The following MYL4 variants were observed in gnomAD, a reference collection of about 807,000 sequenced individuals.
MYL4 encodes the protein myosin light chain 4, also known as atrial myosin light chain 1.
A neutral mutation model predicts 21.6 loss-of-function variants in MYL4; 16 were observed. The observed-to-expected ratio is 0.74, with a 90% CI of 0.50 to 1.12. The LOEUF (loss-of-function observed/expected upper bound fraction) is 1.12. Ranked by LOEUF, MYL4 falls within the 50% of genes most tolerant of loss-of-function variation. The probability of loss-of-function intolerance (pLI) is 0.00; values close to 1 mark genes in which losing one functional copy is unlikely to be tolerated. For synonymous variants in MYL4, 82 were observed against 95.7 expected, an observed-to-expected ratio of 0.86 and a Z score of 0.83; for missense variants, 249 against 252.9, an observed-to-expected ratio of 0.98 and a Z score of 0.11.
At chr17:47,194,412 GA>G in the MYL4 span, among the ~76,000 whole-genome samples, 2 of 152,186 alleles carry the variant, frequency 1.3e-5, no homozygotes. Flanking sequence ...GTTTCAGTAA[GA>G]AAAAGGAAGG....
intron 2 of MYL4, 63 bp downstream of exon 2, chr17:47,213,889 A>C: frequency 6.4e-7 from 1 of 1,550,710 alleles, no homozygotes; most frequent in Non-Finnish European, 8.9e-7. Context: ...GAGGAGGAGG[A>C]GGAAGAAGAG....
At chr17:47,191,855 C>A in the MYL4 span, among the ~76,000 whole-genome samples, 1 of 152,190 alleles carries the variant, frequency 6.6e-6, no homozygotes, top group East Asian at 1.9e-4. Flanking sequence ...CTTTTTCACA[C>A]AACATGCTGC....
chr17:47,215,437 G>A (rs769654803), intron 2 of MYL4, among the ~76,000 whole-genome samples: 1 of 152,108 alleles, frequency 6.6e-6, no homozygotes, highest in South Asian at 2.1e-4. Context: ...TGTTGAATCA[G>A]AATTGTTTTT....
the MYL4 span, chr17:47,189,552 C>G: frequency 9.1e-6 from 3 of 329,244 alleles, no homozygotes; most frequent in Non-Finnish European, 1.2e-5. Flanking sequence ...TACGCCAAAT[C>G]TGCAACCAGC....
intron 5 of MYL4, among the ~76,000 whole-genome samples, chr17:47,222,760 G>A: frequency 6.6e-6 from 1 of 152,220 alleles, no homozygotes; most frequent in East Asian, 1.9e-4. Context: ...CAAGGCTGTG[G>A]GGATTCATAG....
In MYL4 at chr17:47,213,839, A is replaced by C; in HGVS notation, c.163+13A>C. On this transcript the variant is annotated intron_variant, in intron 2 of 6. Transcript: ENST00000393450. ...GACCAGATTGAAGGTGAGTATGGAC[A>C]ACCCCACCTCTCCGTCTCTATTGCA... 1.2e-6 allele frequency: 2 copies of C among 1,613,820 alleles called. No individual in the cohort carries two copies. The highest frequency in any genetic ancestry group is 1.7e-6 in the Non-Finnish European group (2 of 1,179,704).
At chr17:47,193,377 C>T in the MYL4 span, among the ~76,000 whole-genome samples, 2 of 152,118 alleles carry the variant, frequency 1.3e-5, no homozygotes, top group Non-Finnish European at 2.9e-5. Context: ...AAGCGATTCT[C>T]CTGCCTCAGC....
upstream of MYL4, among the ~76,000 whole-genome samples, chr17:47,199,348 G>T (rs899895872): frequency 1.3e-5 from 2 of 148,930 alleles, no homozygotes; most frequent in African/African-American, 5.0e-5. Context: ...AACAAGGAAA[G>T]AATTTGGGAC....
chr17:47,214,477 C>A (rs931410207), intron 2 of MYL4, among the ~76,000 whole-genome samples: 15 of 152,088 alleles, frequency 9.9e-5, no homozygotes, highest in Admixed American at 9.2e-4. Context: ...CTCCACCAAA[C>A]GCCTCTAGGA....
chr17:47,208,147 G>T (rs2064741674), upstream of MYL4, among the ~76,000 whole-genome samples: 1 of 152,218 alleles, frequency 6.6e-6, no homozygotes, highest in South Asian at 2.1e-4. Flanking sequence ...TGGCGTGGCG[G>T]CTTATGCCTA....
downstream of MYL4, among the ~76,000 whole-genome samples, chr17:47,226,596 A>T (rs2064886274): frequency 1.3e-5 from 2 of 152,248 alleles, no homozygotes; most frequent in South Asian, 4.1e-4. Flanking sequence ...AGTATTAATT[A>T]AGATTATATT....
chr17:47,213,200 C>T (rs971873946), intron 1 of MYL4, among the ~76,000 whole-genome samples: 2 of 152,194 alleles, frequency 1.3e-5, no homozygotes, highest in South Asian at 4.1e-4. Context: ...ATAGGCAGTC[C>T]GTGTACGTTC....
the MYL4 span, among the ~76,000 whole-genome samples, chr17:47,193,147 C>T: frequency 2.0e-5 from 3 of 152,024 alleles, no homozygotes; most frequent in African/African-American, 7.2e-5. Context: ...GGCCTCCTTA[C>T]CTGACCTTGC....
chr17:47,221,477 C>T (rs1217079879), intron 3 of MYL4, among the ~76,000 whole-genome samples: 3 of 152,178 alleles, frequency 2.0e-5, no homozygotes, highest in South Asian at 2.1e-4. Context: ...GCCCCTGAGA[C>T]CATCTCCCCA....
the MYL4 span, among the ~76,000 whole-genome samples, chr17:47,191,155 T>C: frequency 5.9e-5 from 9 of 152,186 alleles, no homozygotes; most frequent in Non-Finnish European, 2.9e-5. Context: ...TTGGTCAGAG[T>C]AAGACTCAGA....
chr17:47,222,370 C>T lies in MYL4; in HGVS notation c.488-10C>T. The T allele has an allele frequency of 6.2e-7, 1 of 1,614,080 alleles. No individual in the cohort carries two copies. Among genetic ancestry groups the T allele is most frequent in the Non-Finnish European group, 8.5e-7 (1 of 1,179,978 alleles). On this transcript the variant is annotated splice_polypyrimidine_tract_variant and intron_variant, in intron 4 of 6. Coordinates refer to ENST00000393450, the MANE Select transcript of MYL4 (RefSeq NM_002476.2). ...AATTAAGAGCGCACCACCTCCCAAACCCACCGCAGGAGAGAAGATGACTGA... is the reference window on the plus strand; with the variant it reads ...AATTAAGAGCGCACCACCTCCCAAATCCACCGCAGGAGAGAAGATGACTGA...
intron 2 of MYL4, 92 bp downstream of exon 2, chr17:47,213,918 T>C (rs1278293382): frequency 7.1e-7 from 1 of 1,408,164 alleles, no homozygotes; most frequent in Non-Finnish European, 1.0e-6. Context: ...GTTGTCCTCA[T>C]GGTAATAGTA....
the MYL4 span, among the ~76,000 whole-genome samples, chr17:47,194,632 A>G: frequency 3.9e-5 from 6 of 152,050 alleles, no homozygotes; most frequent in Admixed American, 6.6e-5. Flanking sequence ...AAGTCTGATC[A>G]TGTTAGGACT....
chr17:47,199,674 CA>C (rs34989806), upstream of MYL4, among the ~76,000 whole-genome samples: 85,274 of 127,304 alleles, frequency 0.67, 26,647 homozygotes, highest in East Asian at 0.86. Flanking sequence ...GACCCTGTCT[CA>C]AAAAAAAAAA....
Sources: gnomAD v4.1 joint callset for allele counts (sites outside exome capture counted in the v4.1 genomes callset) on GRCh38, gnomAD v4.1.1 for gene constraint, MANE v1.5 for transcripts, NCBI Gene and HGNC (gene_info 2026-07-23, HGNC 2026-07-21) for gene names.